The following KAZN variants were observed in gnomAD, a reference collection of about 807,000 sequenced individuals.
KAZN encodes the protein kazrin.
KAZN carries 40 observed loss-of-function variants against 87.4 expected under a neutral mutation model. That is an observed-to-expected ratio of 0.46 (90% CI 0.36 to 0.60). KAZN has a LOEUF of 0.60. KAZN is among the 20% of genes least tolerant of loss of function. KAZN has a pLI of 0.00. For missense variants in KAZN, 898 were observed against 1,073.9 expected, an observed-to-expected ratio of 0.84 and a Z score of 2.29; for synonymous variants, 466 against 458.3, an observed-to-expected ratio of 1.02 and a Z score of -0.22.
intron 1 of KAZN, among the ~76,000 whole-genome samples, chr1:14,631,498 G>C (rs542958439): frequency 1.1e-4 from 16 of 152,348 alleles, no homozygotes; most frequent in African/African-American, 3.8e-4. Flanking sequence ...CTGCTGGTGA[G>C]TGGTGGTGTA....
chr1:14,739,687 A>G (rs1422833343), intron 1 of KAZN, among the ~76,000 whole-genome samples: 2 of 151,872 alleles, frequency 1.3e-5, no homozygotes, highest in Non-Finnish European at 2.9e-5. Context: ...TATTGTTTGA[A>G]GTTCAAACTG....
intron 2 of KAZN, among the ~76,000 whole-genome samples, chr1:14,421,026 C>T (rs1312244239): frequency 5.9e-5 from 9 of 152,186 alleles, no homozygotes; most frequent in Admixed American, 2.6e-4. Context: ...CCAGAGTGGG[C>T]GCCGAGGCCA....
intron 1 of KAZN, among the ~76,000 whole-genome samples, chr1:13,921,668 C>T (rs1240554367): frequency 6.6e-6 from 1 of 151,950 alleles, no homozygotes; most frequent in African/African-American, 2.4e-5. Flanking sequence ...CTCTGTTGCC[C>T]AGGCTGGAGT....
chr1:14,057,127 T>G (rs1480847273), intron 1 of KAZN, among the ~76,000 whole-genome samples: 1 of 151,760 alleles, frequency 6.6e-6, no homozygotes, highest in Non-Finnish European at 1.5e-5. Context: ...TTTTTTTTGT[T>G]TTTTGTTTGT....
At chr1:14,418,791 T>A (rs1291869725) in intron 2 of KAZN, among the ~76,000 whole-genome samples, 5 of 152,186 alleles carry the variant, frequency 3.3e-5, no homozygotes, top group African/African-American at 4.8e-5. Context: ...CTCAAAGTCA[T>A]GAAATTCGCC....
At position 14,830,245 on chromosome 1, in the gene KAZN, A is replaced by G. The variant is rs188125412; in HGVS notation, c.227-130439A>G. 3.3e-3 allele frequency among the ~76,000 whole-genome samples: 509 copies of G among 152,280 alleles called. 7 individuals are homozygous for G. Among genetic ancestry groups the G allele is most frequent in the Non-Finnish European group, 2.0e-3 (135 of 68,030 alleles). ...AGACAGGCTTTCCCTGAGCCGTAGCAGGTGGCCATGAGAAGCTCCAGACTT... is the reference window on the plus strand; with the variant it reads ...AGACAGGCTTTCCCTGAGCCGTAGCGGGTGGCCATGAGAAGCTCCAGACTT... On this transcript the variant is annotated intron_variant, in intron 1 of 14. Transcript: ENST00000376030.
chr1:14,322,921 C>G (rs2100844489), intron 2 of KAZN, among the ~76,000 whole-genome samples: 1 of 152,154 alleles, frequency 6.6e-6, no homozygotes, highest in South Asian at 2.1e-4. Context: ...TTCAGCATGG[C>G]TAGAGAGGCT....
At chr1:14,845,559 G>GTGGGTGGATGGATGGA (rs1553143775) in intron 1 of KAZN, among the ~76,000 whole-genome samples, 7 of 145,564 alleles carry the variant, frequency 4.8e-5, no homozygotes, top group East Asian at 2.0e-4. Context: ...AGATGGGTGG[G>GTGGGTGGATGGATGGA]TGGATGGATG....
chr1:15,108,258 G>C (rs1172110308), intron 13 of KAZN, among the ~76,000 whole-genome samples: 3 of 152,150 alleles, frequency 2.0e-5, no homozygotes, highest in Non-Finnish European at 4.4e-5. Flanking sequence ...AGGACACATT[G>C]AGCTTAGATG....
chr1:14,582,774 T>G (rs750982688), intron 2 of KAZN, among the ~76,000 whole-genome samples: 8 of 152,204 alleles, frequency 5.3e-5, no homozygotes, highest in Non-Finnish European at 1.0e-4. Flanking sequence ...AAATAAAACA[T>G]AATTTTCATT....
At chr1:14,662,059 T>C (rs1639210492) in intron 1 of KAZN, among the ~76,000 whole-genome samples, 1 of 152,174 alleles carries the variant, frequency 6.6e-6, no homozygotes, top group African/African-American at 2.4e-5. Context: ...TCTTCATCCA[T>C]AAAGTGGGTC....
chr1:13,952,334 GATAATAATA>G (rs35005409), intron 1 of KAZN, among the ~76,000 whole-genome samples: 7,514 of 143,018 alleles, frequency 0.053, 258 homozygotes, highest in African/African-American at 0.1. Flanking sequence ...ATAAAATGGA[GATAATAATA>G]ATAATAATAA....
At chr1:14,846,072 A>T (rs1275156548) in intron 1 of KAZN, among the ~76,000 whole-genome samples, 3 of 152,202 alleles carry the variant, frequency 2.0e-5, no homozygotes, top group Non-Finnish European at 4.4e-5. Context: ...CTCTGTGCCA[A>T]GACAGCAGCT....
At chr1:14,978,549 G>T (rs373992959) in intron 2 of KAZN, among the ~76,000 whole-genome samples, 109 of 152,318 alleles carry the variant, frequency 7.2e-4, no homozygotes, top group African/African-American at 2.1e-3. Flanking sequence ...CCCTGAGGCA[G>T]TCTTCTTCTT....
chr1:14,262,050 G>A (rs1246054736), intron 2 of KAZN, among the ~76,000 whole-genome samples: 1 of 152,158 alleles, frequency 6.6e-6, no homozygotes, highest in Non-Finnish European at 1.5e-5. Flanking sequence ...AATATAACTA[G>A]CATATCAAAC....
intron 2 of KAZN, among the ~76,000 whole-genome samples, chr1:14,467,409 A>G (rs543546697): frequency 1.3e-5 from 2 of 152,072 alleles, no homozygotes; most frequent in East Asian, 3.9e-4. Context: ...GTAATCGAGA[A>G]ATGGTAGAAT....
chr1:14,314,466 A>G (rs1655514973), intron 2 of KAZN, among the ~76,000 whole-genome samples: 1 of 152,072 alleles, frequency 6.6e-6, no homozygotes, highest in African/African-American at 2.4e-5. Context: ...TCCTGGTTAC[A>G]TGAGATTCCT....
intron 2 of KAZN, among the ~76,000 whole-genome samples, chr1:14,506,093 C>T (rs1670570647): frequency 6.6e-6 from 1 of 152,098 alleles, no homozygotes; most frequent in South Asian, 2.1e-4. Context: ...GTATATTTTA[C>T]AACAACAAAA....
At position 14,856,058 on chromosome 1, in the gene KAZN, C is replaced by A. The variant is rs541124076; in HGVS notation, c.227-104626C>A. Among the ~76,000 whole-genome samples, 2 of 152,152 alleles carry A rather than the reference C, an allele frequency of 1.3e-5. No homozygotes were observed. The highest frequency in any genetic ancestry group is 2.9e-5 in the Non-Finnish European group (2 of 68,034). On this transcript the variant is annotated intron_variant, in intron 1 of 14. Coordinates refer to ENST00000376030, the MANE Select transcript of KAZN (RefSeq NM_201628.3). This position sits in a 1 kb window ranked among gnomAD's most constrained non-coding sequence, Gnocchi z 5.2. ...ATTGGAATGTGACATTGGGATATGG[C>A]AGGTGAGTAATAACGTGATTTACAT...
Sources: allele counts gnomAD v4.1 joint callset (sites outside exome capture counted in the v4.1 genomes callset), GRCh38; gene constraint gnomAD v4.1.1; non-coding constraint Gnocchi (gnomAD v3.1); transcripts MANE v1.5; gene names NCBI Gene and HGNC (gene_info 2026-07-23, HGNC 2026-07-21).